Variants in SEH1L observed in about 807,000 individuals in gnomAD.
SEH1L encodes SEH1 like nucleoporin.
In SEH1L, 18 loss-of-function variants were observed where a neutral mutation model predicts 49.5. The ratio of observed to expected loss-of-function variants is 0.36; its 90% CI spans 0.25 to 0.54. SEH1L has a LOEUF of 0.54. Among genes scored for constraint, SEH1L ranks in the 20% least tolerant of loss-of-function variants. The probability of loss-of-function intolerance (pLI) is 0.87; values close to 1 mark genes in which losing one functional copy is unlikely to be tolerated. For missense variants in SEH1L, 404 were observed against 528.8 expected (o/e 0.76, Z 2.31); for synonymous variants, 169 against 178.1 (o/e 0.95, Z 0.41).
At chr18:12,974,987 AT>A (rs1298079368) in intron 5 of SEH1L, among the ~76,000 whole-genome samples, 5 of 148,232 alleles carry the variant, frequency 3.4e-5, no homozygotes, top group African/African-American at 1.3e-4. Context: ...AATTATTTTT[AT>A]TTTTATTTTA....
chr18:12,981,311 G>A (rs1384988698), intron 6 of SEH1L, among the ~76,000 whole-genome samples: 1 of 152,202 alleles, frequency 6.6e-6, no homozygotes, highest in East Asian at 1.9e-4. Context: ...TGGCGGCCGG[G>A]CAGAGGCTGC....
chr18:12,962,591 C>T (rs1191416650), intron 3 of SEH1L, among the ~76,000 whole-genome samples: 7 of 149,646 alleles, frequency 4.7e-5, no homozygotes, highest in Admixed American at 6.7e-5. Context: ...CCTCAGCCTC[C>T]GGAATAGCTG....
chr18:12,956,067 C>T lies in SEH1L; in HGVS notation c.309+458C>T, dbSNP rs1465777493. Among the ~76,000 whole-genome samples, 20 of 144,778 alleles carry T rather than the reference C, an allele frequency of 1.4e-4. 2 individuals are homozygous for T. Among genetic ancestry groups the T allele is most frequent in the African/African-American group, 4.9e-4 (19 of 39,014 alleles). The allele number at this position is 144,778 out of a possible 152,430, so 95.0% of individuals were successfully genotyped here. On this transcript the variant is annotated intron_variant, in intron 3 of 8. Transcript: ENST00000399892. ...TAAAATTCTTTTTTTTTTTTTTAGA[C>T]GGAGTCTCACTGTGTCACCCAGGCT...
chr18:12,985,338 C>T (rs2032421097), intron 8 of SEH1L: 1 of 1,555,742 alleles, frequency 6.4e-7, no homozygotes, highest in African/African-American at 1.4e-5. Context: ...TCCCCTTCCC[C>T]AGCGCCGTTT....
At chr18:12,958,058 T>A in intron 3 of SEH1L, among the ~76,000 whole-genome samples, 1 of 140,754 alleles carries the variant, frequency 7.1e-6, no homozygotes, top group Non-Finnish European at 1.5e-5. Context: ...ATATTCCTCA[T>A]TTTAACTTTT....
intron 4 of SEH1L, 38 bp downstream of exon 4, chr18:12,963,409 A>C (rs1167222846): frequency 6.9e-7 from 1 of 1,455,532 alleles, no homozygotes; most frequent in South Asian, 1.2e-5. Flanking sequence ...ACATCCTAGT[A>C]AAATAAACTA....
intron 4 of SEH1L, among the ~76,000 whole-genome samples, chr18:12,965,799 C>T (rs991382224): frequency 6.6e-6 from 1 of 152,084 alleles, no homozygotes; most frequent in East Asian, 1.9e-4. Context: ...AATGTAATCA[C>T]ATTTGTCAGG....
At chr18:12,962,455 C>CTTTTT (rs1257873600) in intron 3 of SEH1L, among the ~76,000 whole-genome samples, 20 of 90,042 alleles carry the variant, frequency 2.2e-4, no homozygotes, top group African/African-American at 6.1e-4. Context: ...AATTGCATGC[C>CTTTTT]TTTCTTTTTT....
rs532723112 is a variant in SEH1L, at chr18:12,965,534, A to C, written c.521+2163A>C. Among the ~76,000 whole-genome samples, 78 of 152,196 alleles carry C rather than the reference A, an allele frequency of 5.1e-4. 1 individual carries two copies. The highest frequency in any genetic ancestry group is 1.2e-3 in the Admixed American group (19 of 15,280). ...CTCTTCAAATACCTGAAAATGTCTT[A>C]ATTTGACTCCATGCTTAATTGATAG... On this transcript the variant is annotated intron_variant, in intron 4 of 8. Coordinates refer to ENST00000399892, the MANE Select transcript of SEH1L (RefSeq NM_001013437.2).
rs576986578 is a variant in SEH1L, at chr18:12,981,337, G to A, written c.762-1181G>A. 9.2e-5 allele frequency among the ~76,000 whole-genome samples: 14 copies of A among 152,268 alleles called. 2 individuals carry two copies. Among genetic ancestry groups the A allele is most frequent in the Admixed American group, 9.2e-4 (14 of 15,294 alleles). On this transcript the variant is annotated intron_variant, in intron 6 of 8. Coordinates refer to ENST00000399892, the MANE Select transcript of SEH1L (RefSeq NM_001013437.2). ...CAGAGGCTGCAATCTCGGCACTTTG[G>A]GGGGCCAAGGCAGGCAGCTGGGAGG...
At chr18:12,951,303 T>G (rs1234340615) in intron 1 of SEH1L, among the ~76,000 whole-genome samples, 1 of 152,240 alleles carries the variant, frequency 6.6e-6, no homozygotes, top group Admixed American at 6.5e-5. Flanking sequence ...CCAAGCGTAG[T>G]GACTGTAACT....
At chr18:12,964,848 A>G (rs1165518006) in intron 4 of SEH1L, among the ~76,000 whole-genome samples, 2 of 151,404 alleles carry the variant, frequency 1.3e-5, no homozygotes, top group African/African-American at 4.9e-5. Flanking sequence ...CATGTTAGCC[A>G]GGCTGGTCTT....
At chr18:12,953,846 A>G (rs1315056768) in intron 2 of SEH1L, among the ~76,000 whole-genome samples, 1 of 152,188 alleles carries the variant, frequency 6.6e-6, no homozygotes, top group Non-Finnish European at 1.5e-5. Flanking sequence ...GTACTTTTCT[A>G]TATCTTTAAA....
At chr18:12,956,992 C>T (rs971128372) in intron 3 of SEH1L, among the ~76,000 whole-genome samples, 5 of 151,424 alleles carry the variant, frequency 3.3e-5, no homozygotes, top group South Asian at 2.1e-4. Flanking sequence ...GGTGTGAACC[C>T]GGGAGGCGGA....
intron 4 of SEH1L, among the ~76,000 whole-genome samples, chr18:12,970,411 G>A (rs574902386): frequency 6.6e-6 from 1 of 152,054 alleles, no homozygotes; most frequent in Non-Finnish European, 1.5e-5. Context: ...CTGTCCATCT[G>A]TTTTTTCTTC....
At chr18:12,975,705 G>A in intron 5 of SEH1L, 1 of 985,842 alleles carries the variant, frequency 1.0e-6, no homozygotes, top group Non-Finnish European at 1.2e-6. Flanking sequence ...GGGTCCAGTA[G>A]AGTCACAAGG....
chr18:12,985,011 AC>A (rs57267022), intron 8 of SEH1L: 43,254 of 408,684 alleles, frequency 0.11, 3,525 homozygotes, highest in African/African-American at 0.29. Context: ...ATGCATCAAA[AC>A]AATTTCAGGT....
chr18:12,978,734 C>G lies in SEH1L; in HGVS notation c.621-18C>G, dbSNP rs8182426. 144,119 of 1,592,188 alleles carry G rather than the reference C, an allele frequency of 0.091. 9,112 individuals are homozygous for G. The highest frequency in any genetic ancestry group is 0.28 in the African/African-American group (20,676 of 74,024). Reference sequence around the variant, plus strand: ...CATTTTATTTCTAAAATGTTAATGTCAATTGTTTTTCCATTAGGAAATATG... The same window carrying G: ...CATTTTATTTCTAAAATGTTAATGTGAATTGTTTTTCCATTAGGAAATATG... On this transcript the variant is annotated intron_variant, in intron 5 of 8. Coordinates refer to ENST00000399892, the MANE Select transcript of SEH1L (RefSeq NM_001013437.2).
rs111790249 is a variant in SEH1L, at chr18:12,955,342, A to G, written c.163-121A>G. ...CAGTTTTCTTCTCTCATAGAAGTAA[A>G]ACTATATTCTGTTTCCTGATGTAAA... On this transcript the variant is annotated intron_variant, in intron 2 of 8. Coordinates refer to ENST00000399892, the MANE Select transcript of SEH1L (RefSeq NM_001013437.2). 8.3e-3 allele frequency: 7,429 copies of G among 894,634 alleles called. 334 individuals carry two copies. In the African/African-American group the frequency reaches 0.1, roughly 13 times the overall value. 55.4% of individuals were successfully genotyped at this position (894,634 alleles called of 1,614,324 possible).
Sources: allele counts gnomAD v4.1 joint callset (sites outside exome capture counted in the v4.1 genomes callset), GRCh38; gene constraint gnomAD v4.1.1; transcripts MANE v1.5; gene names NCBI Gene and HGNC (gene_info 2026-07-23, HGNC 2026-07-21).